DENND5B: variants seen among roughly 807,000 people sequenced by gnomAD.
DENND5B encodes the protein DENN domain containing 5B.
DENND5B carries 34 observed loss-of-function variants against 140.6 expected under a neutral mutation model. The ratio of observed to expected loss-of-function variants is 0.24; its 90% confidence interval spans 0.18 to 0.32. The LOEUF is 0.32. Ranked by LOEUF, DENND5B falls within the 10% of genes least tolerant of loss-of-function variation. The probability of loss-of-function intolerance (pLI) is 1.00; values close to 1 mark genes in which losing one functional copy is unlikely to be tolerated. For missense variants in DENND5B, 1,142 were observed against 1,560.2 expected (o/e 0.73, Z 4.52); for synonymous variants, 551 against 562.1 (o/e 0.98, Z 0.28).
intron 2 of DENND5B, 22 bp downstream of exon 2, chr12:31,495,788 T>C (rs1219479316): frequency 2.0e-6 from 3 of 1,506,684 alleles, no homozygotes; most frequent in Non-Finnish European, 1.8e-6. Context: ...AAAGAGTAAA[T>C]GAGGGGAAAA....
intron 1 of DENND5B, chr12:31,534,992 T>C: frequency 4.2e-6 from 1 of 240,756 alleles, no homozygotes; most frequent in Non-Finnish European, 7.6e-6. Context: ...GAAGATAGCT[T>C]GAACCTGGGA....
At chr12:31,493,088 G>A (rs970337359) in intron 2 of DENND5B, among the ~76,000 whole-genome samples, 1 of 152,210 alleles carries the variant, frequency 6.6e-6, no homozygotes, top group Non-Finnish European at 1.5e-5. Flanking sequence ...AAAGGGTCCA[G>A]TGTGACCCAT....
At chr12:31,584,020 T>C (rs895317957) in intron 1 of DENND5B, among the ~76,000 whole-genome samples, 1 of 152,116 alleles carries the variant, frequency 6.6e-6, no homozygotes, top group African/African-American at 2.4e-5. Context: ...GAAGAGGAAA[T>C]TGTTTTCTTC....
chr12:31,449,732 T>TTTTTTTTTTG (rs1555149752), intron 5 of DENND5B, among the ~76,000 whole-genome samples: 2 of 11,624 alleles, frequency 1.7e-4, no homozygotes, highest in Non-Finnish European at 4.4e-4. Flanking sequence ...CACAGATTAG[T>TTTTTTTTTTG]TTTTTTTTTT....
chr12:31,467,606 G>C (rs549841237), intron 3 of DENND5B, among the ~76,000 whole-genome samples: 1 of 152,086 alleles, frequency 6.6e-6, no homozygotes, highest in Non-Finnish European at 1.5e-5. Context: ...AGGCAACAGA[G>C]TGAGACCTTA....
chr12:31,402,017 C>T (rs920870255), intron 15 of DENND5B, among the ~76,000 whole-genome samples: 1 of 144,774 alleles, frequency 6.9e-6, no homozygotes, highest in Non-Finnish European at 1.5e-5. Context: ...GAGGTTGCAA[C>T]GAGTGAAGAT....
intron 1 of DENND5B, chr12:31,541,009 G>C (rs956295779): frequency 6.6e-6 from 3 of 453,040 alleles, no homozygotes; most frequent in Middle Eastern, 3.2e-4. Context: ...TTACGCAGAA[G>C]AATGAAGGTT....
At chr12:31,391,139 G>A (rs1477591079) in intron 19 of DENND5B, among the ~76,000 whole-genome samples, 1 of 152,154 alleles carries the variant, frequency 6.6e-6, no homozygotes, top group Non-Finnish European at 1.5e-5. Flanking sequence ...TACACAACCT[G>A]GCACTGGCAC....
chr12:31,401,664 T>C (rs1941803592), intron 15 of DENND5B, among the ~76,000 whole-genome samples: 2 of 152,150 alleles, frequency 1.3e-5, no homozygotes, highest in Non-Finnish European at 2.9e-5. Flanking sequence ...ACAGTCTCAC[T>C]CTGTCACCCA....
chr12:31,403,369 T>G (rs1223255806), intron 14 of DENND5B, among the ~76,000 whole-genome samples: 1 of 145,306 alleles, frequency 6.9e-6, no homozygotes, highest in African/African-American at 2.5e-5. Flanking sequence ...ATGTTATGCA[T>G]GTCCTCCCTT....
At chr12:31,518,080 G>C (rs746014096) in intron 1 of DENND5B, among the ~76,000 whole-genome samples, 3 of 152,174 alleles carry the variant, frequency 2.0e-5, no homozygotes, top group Non-Finnish European at 4.4e-5. Context: ...GAGAGGCAGG[G>C]AAAGAGCTTT....
chr12:31,460,546 G>A (rs1042604312), intron 3 of DENND5B, among the ~76,000 whole-genome samples, 165 bp from the exon 4 acceptor site: 1 of 152,116 alleles, frequency 6.6e-6, no homozygotes, highest in Non-Finnish European at 1.5e-5. Context: ...TATAATTAAA[G>A]AATTAAATGG....
At chr12:31,481,563 C>T (rs1400532571) in intron 2 of DENND5B, among the ~76,000 whole-genome samples, 1 of 152,034 alleles carries the variant, frequency 6.6e-6, no homozygotes, top group East Asian at 1.9e-4. Context: ...AACCTCAGGA[C>T]GAGTATAGGT....
intron 4 of DENND5B, among the ~76,000 whole-genome samples, chr12:31,452,841 G>A (rs1170765947): frequency 6.6e-6 from 1 of 151,792 alleles, no homozygotes; most frequent in East Asian, 1.9e-4. Context: ...TTTTCTCTGG[G>A]TCTCAGCAAT....
intron 1 of DENND5B, among the ~76,000 whole-genome samples, chr12:31,581,322 C>G (rs1249711951): frequency 6.6e-6 from 1 of 151,986 alleles, no homozygotes; most frequent in Admixed American, 6.6e-5. Flanking sequence ...AACAGGAACC[C>G]CTGGGTCCTT....
At chr12:31,394,156 A>AT (rs1251112011) in intron 17 of DENND5B, among the ~76,000 whole-genome samples, 1 of 151,442 alleles carries the variant, frequency 6.6e-6, no homozygotes, top group African/African-American at 2.4e-5. Flanking sequence ...ACCTTTCTCT[A>AT]TTTTTTCTTT....
At chr12:31,455,551 T>G (rs1944731558) in intron 4 of DENND5B, among the ~76,000 whole-genome samples, 1 of 152,234 alleles carries the variant, frequency 6.6e-6, no homozygotes, top group East Asian at 1.9e-4. Flanking sequence ...GGCATTCTGA[T>G]AAGTTGCTTC....
intron 1 of DENND5B, among the ~76,000 whole-genome samples, chr12:31,583,290 T>G (rs1950268842): frequency 8.0e-6 from 1 of 124,686 alleles, no homozygotes; most frequent in African/African-American, 3.2e-5. Flanking sequence ...AGACTCAGTC[T>G]TTTAAAAAAA....
chr12:31,479,346 T>C (rs2617179), intron 3 of DENND5B, among the ~76,000 whole-genome samples: 11,896 of 152,254 alleles, frequency 0.078, 1,063 homozygotes, highest in African/African-American at 0.22. Flanking sequence ...TAAATAAATA[T>C]ACCCAAATCA....
Sources: gnomAD v4.1 joint callset for allele counts (sites outside exome capture counted in the v4.1 genomes callset) on GRCh38, gnomAD v4.1.1 for gene constraint, MANE v1.5 for transcripts, NCBI Gene and HGNC (gene_info 2026-07-23, HGNC 2026-07-21) for gene names.